Variants in COL26A1 observed in about 807,000 individuals in gnomAD.
COL26A1 encodes the protein collagen alpha-1(XXVI) chain.
A neutral mutation model predicts 59.3 loss-of-function variants in COL26A1; 41 were observed. That is an observed-to-expected ratio of 0.69 (90% CI 0.54 to 0.90). The LOEUF is 0.90. Among genes scored for constraint, COL26A1 ranks in the 40% least tolerant of loss-of-function variants. COL26A1 has a pLI of 0.00. For missense variants in COL26A1, 612 were observed against 602.3 expected, an observed-to-expected ratio of 1.02 and a Z score of -0.17; for synonymous variants, 266 against 256.0, an observed-to-expected ratio of 1.04 and a Z score of -0.37.
intron 1 of COL26A1, among the ~76,000 whole-genome samples, chr7:101,389,326 A>G (rs1002283549): frequency 6.7e-6 from 1 of 149,796 alleles, no homozygotes; most frequent in African/African-American, 2.5e-5. Flanking sequence ...GAGTTGTAGG[A>G]GTTCCTTATG....
intron 3 of COL26A1, among the ~76,000 whole-genome samples, chr7:101,463,892 T>C (rs1228247955): frequency 3.9e-5 from 4 of 101,312 alleles, no homozygotes; most frequent in African/African-American, 2.0e-4. Context: ...TTTCTTTCTT[T>C]CTTTCTTTCT....
At chr7:101,505,027 C>T (rs757219545) in intron 3 of COL26A1, among the ~76,000 whole-genome samples, 29 of 152,112 alleles carry the variant, frequency 1.9e-4, no homozygotes, top group Non-Finnish European at 3.4e-4. Context: ...TGGTGGCGAA[C>T]GCCTGTAATC....
rs1796033387 is a variant in COL26A1, at chr7:101,558,428, G to A, written c.*898G>A. 1 of 152,236 alleles carries A rather than the reference G, an allele frequency of 6.6e-6. No individual in the cohort carries two copies. Among genetic ancestry groups the A allele is most frequent in the African/African-American group, 2.4e-5 (1 of 41,436 alleles). The allele number at this position is 152,236 out of a possible 1,614,324, so 9.4% of individuals were successfully genotyped here. A position where few individuals can be genotyped will look rare whatever the true frequency, so the allele number is the denominator to read the frequency against. ...GAGCCAGGGGAGGCAGCATTTCATG[G>A]GCATGTCTATCAGAGGTGGGACTTG... On this transcript the variant is annotated 3_prime_UTR_variant, in exon 13 of 13. Coordinates refer to ENST00000313669, the MANE Select transcript of COL26A1 (RefSeq NM_001278563.3).
intron 2 of COL26A1, among the ~76,000 whole-genome samples, chr7:101,446,210 A>G (rs1793192147): frequency 6.6e-6 from 1 of 152,086 alleles, no homozygotes; most frequent in Non-Finnish European, 1.5e-5. Context: ...ACCTCCTACC[A>G]GGCTTCACCT....
intron 3 of COL26A1, among the ~76,000 whole-genome samples, chr7:101,505,727 G>C (rs1164374404): frequency 6.6e-6 from 1 of 152,184 alleles, no homozygotes; most frequent in Non-Finnish European, 1.5e-5. Context: ...CAGATTGAGG[G>C]GGGTGGGGTC....
chr7:101,475,975 C>CTCTT (rs906456653), intron 3 of COL26A1, among the ~76,000 whole-genome samples: 9 of 149,410 alleles, frequency 6.0e-5, no homozygotes, highest in Admixed American at 4.7e-4. Context: ...CTCTTTGTCT[C>CTCTT]TCTTTCTTTC....
chr7:101,532,302 C>T (rs1253909502), intron 3 of COL26A1, among the ~76,000 whole-genome samples: 1 of 152,030 alleles, frequency 6.6e-6, no homozygotes, highest in Non-Finnish European at 1.5e-5. Context: ...CAAATGCAAA[C>T]TTGACCTCGA....
At position 101,363,027 on chromosome 7, in the gene COL26A1, C is replaced by T. The variant is rs967023778; in HGVS notation, c.-6C>T. 1.9e-6 allele frequency: 3 copies of T among 1,573,350 alleles called. No individual in the cohort carries two copies. The highest frequency in any genetic ancestry group is 2.8e-5 in the African/African-American group (2 of 72,370). On this transcript the variant is annotated 5_prime_UTR_variant, in exon 1 of 13. Transcript: ENST00000313669. ...GACTCCGGGTCCCCGCGGGCTGCTG[C>T]GCACGATGAAGCTGGCCCTGCTCCT...
chr7:101,514,376 A>T (rs1794986273), intron 3 of COL26A1, among the ~76,000 whole-genome samples: 1 of 152,094 alleles, frequency 6.6e-6, no homozygotes. Flanking sequence ...TAAAAAAAAT[A>T]AACCACAACG....
chr7:101,531,217 C>T (rs535757858), intron 3 of COL26A1, among the ~76,000 whole-genome samples: 74 of 152,298 alleles, frequency 4.9e-4, no homozygotes, highest in African/African-American at 1.7e-3. Context: ...ATGATCCTCC[C>T]GCCTTGGCCT....
rs375122392 is a variant in COL26A1 at position 101,489,739 on chromosome 7, C to CTT, written c.385+41953_385+41954insTT. ...ATTCTTTCTTTCTCTCTCTCTTTCT[C>CTT]TCTTTCTTTCTTGTCTCTCTTTCTT... On this transcript the variant is annotated intron_variant, in intron 3 of 12. Coordinates refer to ENST00000313669, the MANE Select transcript of COL26A1 (RefSeq NM_001278563.3). Among the ~76,000 whole-genome samples the CTT allele has an allele frequency of 4.2e-4, 21 of 50,496 alleles. 4 individuals carry two copies. Among genetic ancestry groups the CTT allele is most frequent in the Non-Finnish European group, 5.0e-4 (14 of 28,090 alleles). The allele number at this position is 50,496 out of a possible 152,430, so 33.1% of individuals were successfully genotyped here.
rs1458402806 is a variant in COL26A1, at chr7:101,558,896, T to A, written c.*1366T>A. 2 of 152,380 alleles carry A rather than the reference T, an allele frequency of 1.3e-5. No individual in the cohort carries two copies. The highest frequency in any genetic ancestry group is 2.9e-5 in the Non-Finnish European group (2 of 68,180). 9.4% of individuals were successfully genotyped at this position (152,380 alleles called of 1,614,324 possible). On this transcript the variant is annotated 3_prime_UTR_variant, in exon 13 of 13. Coordinates refer to ENST00000313669, the MANE Select transcript of COL26A1 (RefSeq NM_001278563.3). ...GGCCTGGTCCCTCTGGGCCCTGGGA[T>A]CTTCTTCTGGCCCTTGAGGCAGGTC...
chr7:101,491,189 T>G (rs1414024308), intron 3 of COL26A1, among the ~76,000 whole-genome samples: 2 of 152,122 alleles, frequency 1.3e-5, no homozygotes, highest in African/African-American at 4.8e-5. Context: ...TCAGCTGTGT[T>G]TGAAGCCACC....
intron 3 of COL26A1, among the ~76,000 whole-genome samples, chr7:101,478,086 G>A (rs1016220172): frequency 5.9e-5 from 9 of 152,138 alleles, no homozygotes; most frequent in African/African-American, 1.9e-4. Context: ...AGGTTGAAGC[G>A]ATTCTCCCAC....
At chr7:101,448,100 C>G (rs369061067) in intron 3 of COL26A1, among the ~76,000 whole-genome samples, 127 of 152,318 alleles carry the variant, frequency 8.3e-4, no homozygotes, top group African/African-American at 3.0e-3. Flanking sequence ...ACTTTTGGCT[C>G]CGATGCACCC....
intron 1 of COL26A1, among the ~76,000 whole-genome samples, chr7:101,375,973 G>A (rs1432033155): frequency 2.3e-5 from 3 of 131,280 alleles, no homozygotes; most frequent in East Asian, 2.3e-4. Context: ...GCGAAAGAGT[G>A]AGACTCCATC....
chr7:101,405,039 C>G (rs34304454), intron 1 of COL26A1, among the ~76,000 whole-genome samples: 1 of 151,870 alleles, frequency 6.6e-6, no homozygotes, highest in Non-Finnish European at 1.5e-5. Context: ...CTGGCTAACA[C>G]GGTGAAACCC....
chr7:101,473,608 C>CCACACACACACACACA (rs150820078), intron 3 of COL26A1, among the ~76,000 whole-genome samples: 1 of 143,374 alleles, frequency 7.0e-6, no homozygotes. Context: ...CACCTTGTCT[C>CCACACACACACACACA]CACACACACA....
intron 9 of COL26A1, among the ~76,000 whole-genome samples, chr7:101,550,865 T>C (rs559165075): frequency 2.4e-3 from 358 of 152,314 alleles, no homozygotes; most frequent in Non-Finnish European, 2.4e-3. Context: ...GTACGTGGCA[T>C]TGGCCCATTT....
Sources: gnomAD v4.1 joint callset for allele counts (sites outside exome capture counted in the v4.1 genomes callset) on GRCh38, gnomAD v4.1.1 for gene constraint, MANE v1.5 for transcripts, NCBI Gene and HGNC (gene_info 2026-07-23, HGNC 2026-07-21) for gene names.